The following SPOCK3 variants were observed in gnomAD, a reference collection of about 807,000 sequenced individuals.
The protein encoded by SPOCK3 is SPARC (osteonectin), cwcv and kazal like domains proteoglycan 3.
A neutral mutation model predicts 56.6 loss-of-function variants in SPOCK3; 30 were observed. The ratio of observed to expected loss-of-function variants is 0.53; its 90% CI spans 0.40 to 0.72. The LOEUF is 0.72. Ranked by LOEUF, SPOCK3 falls within the 30% of genes least tolerant of loss-of-function variation. SPOCK3 has a pLI of 0.00. For synonymous variants in SPOCK3, 196 were observed against 183.3 expected (o/e 1.07, Z -0.56); for missense variants, 527 against 530.0 (o/e 0.99, Z 0.06).
intron 2 of SPOCK3, among the ~76,000 whole-genome samples, chr4:167,159,006 T>A (rs72699676): frequency 0.049 from 7,457 of 151,956 alleles, 215 homozygotes; most frequent in South Asian, 0.075. Context: ...AGCAAACATC[T>A]TACTTGAGCT....
intron 7 of SPOCK3, among the ~76,000 whole-genome samples, chr4:166,773,886 A>G (rs572707553): frequency 6.6e-6 from 1 of 152,244 alleles, no homozygotes; most frequent in Admixed American, 6.5e-5. Flanking sequence ...GGCTTATAGG[A>G]TATAATCTAA....
intron 4 of SPOCK3, among the ~76,000 whole-genome samples, chr4:166,997,470 A>C (rs1224261772): frequency 6.6e-6 from 1 of 152,162 alleles, no homozygotes; most frequent in African/African-American, 2.4e-5. Context: ...CTAAGAAAAT[A>C]ATGTTTAAAC....
At chr4:166,798,045 T>G (rs1305829961) in intron 6 of SPOCK3, among the ~76,000 whole-genome samples, 2 of 152,208 alleles carry the variant, frequency 1.3e-5, no homozygotes, top group African/African-American at 4.8e-5. Flanking sequence ...CACTCATGTT[T>G]GTAGTGATGT....
intron 8 of SPOCK3, among the ~76,000 whole-genome samples, chr4:166,744,442 C>A (rs188666669): frequency 4.6e-5 from 7 of 151,892 alleles, no homozygotes; most frequent in African/African-American, 1.7e-4. Flanking sequence ...GCAGTAACAT[C>A]GACAAAAAGG....
chr4:166,820,520 A>C lies in SPOCK3; in HGVS notation c.590-28231T>G, dbSNP rs1013783891. ...TTTTTTTACAAAGATGCCAACTCTC[A>C]TACCAAACATTAACTTAAAGCGAGT... On this transcript the variant is annotated intron_variant, in intron 6 of 10. Coordinates refer to ENST00000357545, the MANE Select transcript of SPOCK3 (RefSeq NM_001040159.2). Among the ~76,000 whole-genome samples the C allele has an allele frequency of 2.0e-5, 3 of 151,956 alleles. No individual in the cohort carries two copies. The East Asian group carries it at 5.8e-4, about 30-fold the overall frequency.
rs1579998129 is a variant in SPOCK3, at chr4:167,014,291, T to C, written c.236-13828A>G. On this transcript the variant is annotated intron_variant, in intron 3 of 10. Transcript: ENST00000357545. The stretch of plus-strand genomic sequence containing the variant: ...TCTTGAGTGGGTTTTTTTTTTTTTG[T>C]CTATTTTAAGGTAAACATAATAATT... Among the ~76,000 whole-genome samples, 6 of 113,210 alleles carry C rather than the reference T, an allele frequency of 5.3e-5. No homozygotes were observed. The South Asian group carries it at 1.7e-3, about 32-fold the overall frequency. The allele number at this position is 113,210 out of a possible 152,430, so 74.3% of individuals were successfully genotyped here. A position where few individuals can be genotyped will look rare whatever the true frequency, so the allele number is the denominator to read the frequency against.
At chr4:167,108,180 A>G (rs1289276467) in intron 2 of SPOCK3, among the ~76,000 whole-genome samples, 1 of 151,930 alleles carries the variant, frequency 6.6e-6, no homozygotes, top group Non-Finnish European at 1.5e-5. Context: ...ATGTAGAGAA[A>G]AGGAAACCCC....
intron 6 of SPOCK3, among the ~76,000 whole-genome samples, chr4:166,807,351 C>T (rs541762549): frequency 1.3e-5 from 2 of 151,186 alleles, no homozygotes; most frequent in African/African-American, 2.4e-5. Flanking sequence ...TCTCAAGGTA[C>T]GATGGATCAT....
At chr4:167,098,062 G>T (rs1759313452) in intron 2 of SPOCK3, among the ~76,000 whole-genome samples, 1 of 151,896 alleles carries the variant, frequency 6.6e-6, no homozygotes, top group Non-Finnish European at 1.5e-5. Flanking sequence ...CCTTATCTTA[G>T]GTGTGACAGA....
intron 2 of SPOCK3, chr4:167,102,534 C>T (rs1418521486): frequency 1.3e-4 from 20 of 152,304 alleles, no homozygotes; most frequent in Admixed American, 1.3e-3. Flanking sequence ...AAGCAGTGGC[C>T]TCCATGGCGT....
At chr4:167,056,548 G>A (rs1291049627) in intron 3 of SPOCK3, among the ~76,000 whole-genome samples, 1 of 152,132 alleles carries the variant, frequency 6.6e-6, no homozygotes, top group Non-Finnish European at 1.5e-5. Context: ...AAAAAATTTA[G>A]ATGAATGTAT....
chr4:167,001,092 G>A (rs1748909846), intron 3 of SPOCK3, among the ~76,000 whole-genome samples: 1 of 152,152 alleles, frequency 6.6e-6, no homozygotes, highest in African/African-American at 2.4e-5. Context: ...TATGTGAAAT[G>A]TCGACGGTTT....
chr4:166,926,632 C>A (rs1230099748), intron 4 of SPOCK3, among the ~76,000 whole-genome samples: 1 of 152,036 alleles, frequency 6.6e-6, no homozygotes, highest in African/African-American at 2.4e-5. Context: ...AACCCAACAG[C>A]TGGTAGGAGA....
At chr4:166,850,635 C>A (rs1328315652) in intron 6 of SPOCK3, among the ~76,000 whole-genome samples, 1 of 152,190 alleles carries the variant, frequency 6.6e-6, no homozygotes. Context: ...CAAAGCAGGG[C>A]GAGGCATTGC....
chr4:166,828,107 A>C (rs1264452427), intron 6 of SPOCK3, among the ~76,000 whole-genome samples: 2 of 152,086 alleles, frequency 1.3e-5, no homozygotes, highest in African/African-American at 4.8e-5. Flanking sequence ...AAGCTTAATT[A>C]GTTTTAGTAT....
At chr4:166,790,480 T>A (rs936780969) in intron 7 of SPOCK3, among the ~76,000 whole-genome samples, 1 of 152,086 alleles carries the variant, frequency 6.6e-6, no homozygotes, top group Admixed American at 6.5e-5. Flanking sequence ...CTTTGGAAAT[T>A]TTTTTCTAGC....
At chr4:166,927,590 C>T (rs1231601942) in intron 4 of SPOCK3, among the ~76,000 whole-genome samples, 1 of 152,168 alleles carries the variant, frequency 6.6e-6, no homozygotes, top group African/African-American at 2.4e-5. Flanking sequence ...AAACGTATCA[C>T]AGACCTAAAT....
intron 4 of SPOCK3, among the ~76,000 whole-genome samples, chr4:166,971,448 T>C (rs1227509662): frequency 6.6e-6 from 1 of 152,172 alleles, no homozygotes; most frequent in Non-Finnish European, 1.5e-5. Flanking sequence ...CATTCATGTC[T>C]GTGGCTTTTA....
At chr4:167,057,757 T>C (rs1451559421) in intron 3 of SPOCK3, among the ~76,000 whole-genome samples, 1 of 152,018 alleles carries the variant, frequency 6.6e-6, no homozygotes, top group Non-Finnish European at 1.5e-5. Context: ...TATATATGCA[T>C]CCAATACAGG....
Sources: gnomAD v4.1 joint callset for allele counts (sites outside exome capture counted in the v4.1 genomes callset) on GRCh38, gnomAD v4.1.1 for gene constraint, MANE v1.5 for transcripts, NCBI Gene and HGNC (gene_info 2026-07-23, HGNC 2026-07-21) for gene names.